Variants in ACSS2 observed in about 807,000 individuals in gnomAD.
ACSS2 encodes acyl-CoA synthetase short chain family member 2, also known as acetyl-coenzyme A synthetase, cytoplasmic.
Under a neutral mutation model 90.6 loss-of-function variants are expected in ACSS2, and 58 were observed. The ratio of observed to expected loss-of-function variants is 0.64; its 90% confidence interval spans 0.52 to 0.80. The LOEUF is 0.80. ACSS2 is among the 30% of genes least tolerant of loss of function. The pLI is 0.00. For synonymous variants in ACSS2, 300 were observed against 330.9 expected, an observed-to-expected ratio of 0.91 and a Z score of 1.01; for missense variants, 759 against 912.0, an observed-to-expected ratio of 0.83 and a Z score of 2.16.
At chr20:34,886,963 T>C (rs568983011) in intron 2 of ACSS2, among the ~76,000 whole-genome samples, 32 of 152,376 alleles carry the variant, frequency 2.1e-4, no homozygotes, top group Admixed American at 5.9e-4. Flanking sequence ...TGTGTAGTCA[T>C]TGAAATTATC....
chr20:34,915,835 G>A (rs185840518), intron 7 of ACSS2, among the ~76,000 whole-genome samples: 2 of 152,300 alleles, frequency 1.3e-5, no homozygotes, highest in African/African-American at 4.8e-5. Flanking sequence ...CCATAAGGGG[G>A]TGCTCAAAGC....
chr20:34,902,324 CAAT>C (rs1165402376), intron 2 of ACSS2, among the ~76,000 whole-genome samples: 2 of 151,836 alleles, frequency 1.3e-5, no homozygotes, highest in African/African-American at 2.4e-5. Flanking sequence ...ATAATATTAA[CAAT>C]AACAATAAGT....
Position 34,876,730 on chromosome 20 carries a change from T to C in ACSS2, c.85T>C (p.Trp29Arg). 1 of 1,443,290 alleles carries C rather than the reference T, an allele frequency of 6.9e-7. No individual in the cohort carries two copies. The highest frequency in any genetic ancestry group is 9.2e-7 in the Non-Finnish European group (1 of 1,089,406). The allele number at this position is 1,443,290 out of a possible 1,614,324, so 89.4% of individuals were successfully genotyped here. A position where few individuals can be genotyped will look rare whatever the true frequency, so the allele number is the denominator to read the frequency against. ...EAGAGGRARSWSPPPEVSRSA... is the reference protein window; with the variant it reads ...EAGAGGRARSRSPPPEVSRSA... ...TGGAGCCGGAGGCCGGGCGCGGAGTTGGTCTCCGCCGCCCGAGGTCAGCCG... is the reference window on the plus strand; with the variant it reads ...TGGAGCCGGAGGCCGGGCGCGGAGTCGGTCTCCGCCGCCCGAGGTCAGCCG... Residue 29 changes from tryptophan to arginine, a missense_variant, in exon 1 of 18, where the codon TGG (tryptophan) becomes CGG (arginine). By Grantham distance (101) the Trp-to-Arg change is moderately radical. Transcript: ENST00000360596.
At chr20:34,890,506 C>T (rs1305540648) in intron 2 of ACSS2, among the ~76,000 whole-genome samples, 7 of 151,962 alleles carry the variant, frequency 4.6e-5, no homozygotes, top group Non-Finnish European at 7.4e-5. Flanking sequence ...GGAGGACTGT[C>T]GGGGATTTGG....
chr20:34,925,715 G>A lies in ACSS2; in HGVS notation c.1675G>A (p.Asp559Asn), dbSNP rs1283297000. 6.2e-7 allele frequency: 1 copy of A among 1,613,612 alleles called. No homozygotes were observed. The highest frequency in any genetic ancestry group is 8.5e-7 in the Non-Finnish European group (1 of 1,179,886). Residue 559 changes from aspartate (D) to asparagine (N), a missense_variant, in exon 15 of 18, where the codon GAT (aspartate) becomes AAT (asparagine). Asp to Asn is a conservative substitution (Grantham distance 23). Coordinates refer to ENST00000360596, the MANE Select transcript of ACSS2 (RefSeq NM_018677.4). Reference protein sequence around the residue: ...VTGDGCQRDQDGYYWITGRID... With the variant: ...VTGDGCQRDQNGYYWITGRID... ...CTTCCCAGGCTGCCAGCGGGACCAGGATGGCTATTACTGGATCACTGGCAG... is the reference window on the plus strand; with the variant it reads ...CTTCCCAGGCTGCCAGCGGGACCAGAATGGCTATTACTGGATCACTGGCAG...
chr20:34,899,053 G>A (rs985192469), intron 2 of ACSS2, among the ~76,000 whole-genome samples: 3 of 152,244 alleles, frequency 2.0e-5, no homozygotes, highest in Non-Finnish European at 4.4e-5. Context: ...CGGGTGCTAA[G>A]CCCCTCATTG....
At chr20:34,899,415 T>C (rs201282374) in intron 2 of ACSS2, among the ~76,000 whole-genome samples, 5 of 43,818 alleles carry the variant, frequency 1.1e-4, no homozygotes, top group East Asian at 5.2e-4. Context: ...TCTTTCTTTC[T>C]TTCTTTCTTT....
Position 34,920,539 on chromosome 20 carries a change from G to A in ACSS2, c.973G>A (p.Gly325Ser). 6.2e-7 allele frequency: 1 copy of A among 1,613,426 alleles called. No individual in the cohort carries two copies. Among genetic ancestry groups the A allele is most frequent in the African/African-American group, 1.3e-5 (1 of 75,014 alleles). ...AACCTGTTCCCCATTCTTCCCACAG[G>A]GTGTGGTTCACACAGTTGGGGGCTA... The part of the protein sequence containing the change: ...YTSGSTGKPK[G>S]VVHTVGGYML... The change falls in exon 9 of 18, where the codon GGT (glycine) becomes AGT (serine). Residue 325 changes from glycine to serine, a missense_variant and splice_region_variant. By Grantham distance (56) the Gly-to-Ser change is moderately conservative. Transcript: ENST00000360596.
At chr20:34,893,225 T>C (rs2147000749) in intron 2 of ACSS2, among the ~76,000 whole-genome samples, 1 of 152,234 alleles carries the variant, frequency 6.6e-6, no homozygotes, top group East Asian at 1.9e-4. Flanking sequence ...CCTTCCCTTG[T>C]TTGTCTCACT....
intron 2 of ACSS2, among the ~76,000 whole-genome samples, chr20:34,908,431 A>G (rs2080861821): frequency 6.6e-6 from 1 of 152,124 alleles, no homozygotes; most frequent in African/African-American, 2.4e-5. Flanking sequence ...TTTCCCCAGA[A>G]TACTCTTCCC....
chr20:34,921,953 C>A, intron 13 of ACSS2, 87 bp downstream of exon 13: 1 of 1,528,654 alleles, frequency 6.5e-7, no homozygotes. Flanking sequence ...AACCTAATCT[C>A]TCCTGGTAGC....
At chr20:34,924,845 G>C (rs1459226601) in intron 14 of ACSS2, among the ~76,000 whole-genome samples, 1 of 151,940 alleles carries the variant, frequency 6.6e-6, no homozygotes, top group Non-Finnish European at 1.5e-5. Context: ...GATTACAGGC[G>C]GGTGCCACCA....
chr20:34,891,343 T>A (rs1049477897), intron 2 of ACSS2, among the ~76,000 whole-genome samples: 1 of 152,302 alleles, frequency 6.6e-6, no homozygotes. Flanking sequence ...TCTCTAATCT[T>A]CCAGAATTCT....
intron 7 of ACSS2, among the ~76,000 whole-genome samples, chr20:34,918,113 C>T (rs558023135): frequency 6.6e-6 from 1 of 152,326 alleles, no homozygotes; most frequent in Admixed American, 6.5e-5. Flanking sequence ...TCTCTCCTGA[C>T]ATTCATCAGT....
intron 2 of ACSS2, among the ~76,000 whole-genome samples, chr20:34,893,368 A>ATTTTAT (rs1286398002): frequency 6.6e-6 from 1 of 151,360 alleles, no homozygotes; most frequent in African/African-American, 2.4e-5. Flanking sequence ...CAATCAGCGA[A>ATTTTAT]TTTTATTTTT....
intron 2 of ACSS2, among the ~76,000 whole-genome samples, chr20:34,896,197 G>C (rs2080455224): frequency 6.6e-6 from 1 of 152,182 alleles, no homozygotes; most frequent in South Asian, 2.1e-4. Flanking sequence ...TTGGCCAAGG[G>C]GAACATGCAA....
intron 2 of ACSS2, among the ~76,000 whole-genome samples, chr20:34,888,047 G>A (rs142023093): frequency 0.022 from 2,538 of 114,146 alleles, 36 homozygotes; most frequent in Middle Eastern, 0.13. Context: ...TCCAGCCTGG[G>A]CAACAGAGCA....
At chr20:34,912,597 C>A in intron 2 of ACSS2, 1 of 164,086 alleles carries the variant, frequency 6.1e-6, no homozygotes, top group South Asian at 1.6e-4. Flanking sequence ...CTCAAGAATC[C>A]CCTACTAATT....
intron 15 of ACSS2, 144 bp from the exon 16 acceptor site, chr20:34,925,961 G>A: frequency 2.0e-6 from 2 of 1,019,142 alleles, no homozygotes; most frequent in South Asian, 3.0e-5. Flanking sequence ...TGGATGGTGG[G>A]GTGACTGAAA....
Sources: allele counts gnomAD v4.1 joint callset (sites outside exome capture counted in the v4.1 genomes callset), GRCh38; gene constraint gnomAD v4.1.1; transcripts MANE v1.5; gene names NCBI Gene and HGNC (gene_info 2026-07-23, HGNC 2026-07-21).